The following DLGAP1 variants were observed in gnomAD, a reference collection of about 807,000 sequenced individuals.
The protein encoded by DLGAP1 is DLG associated protein 1.
DLGAP1 carries 11 observed loss-of-function variants against 90.8 expected under a neutral mutation model. The ratio of observed to expected loss-of-function variants is 0.12; its 90% CI spans 0.08 to 0.20. The LOEUF (loss-of-function observed/expected upper bound fraction) is 0.20, where lower values mean the gene tolerates loss of function less well. DLGAP1 is among the 10% of genes least tolerant of loss of function. The pLI is 1.00. For synonymous variants in DLGAP1, 558 were observed against 540.7 expected, an observed-to-expected ratio of 1.03 and a Z score of -0.44; for missense variants, 1,050 against 1,333.8, an observed-to-expected ratio of 0.79 and a Z score of 3.31.
intron 2 of DLGAP1, among the ~76,000 whole-genome samples, chr18:4,116,378 A>T (rs1412143775): frequency 6.6e-6 from 1 of 152,158 alleles, no homozygotes; most frequent in Non-Finnish European, 1.5e-5. Flanking sequence ...CTCTGTAGAA[A>T]AATGCTTTTC....
chr18:4,020,162 C>G (rs1007846636), intron 2 of DLGAP1, among the ~76,000 whole-genome samples: 29 of 152,080 alleles, frequency 1.9e-4, no homozygotes, highest in Non-Finnish European at 8.8e-5. Context: ...ATGTTTCTCA[C>G]CAGACTTAAG....
chr18:4,228,793 T>C (rs1253392019), intron 1 of DLGAP1, among the ~76,000 whole-genome samples: 1 of 151,924 alleles, frequency 6.6e-6, no homozygotes, highest in African/African-American at 2.4e-5. Context: ...AACAAGCATG[T>C]ACACTTTCAG....
intron 7 of DLGAP1, among the ~76,000 whole-genome samples, chr18:3,606,125 G>GA (rs2057315458): frequency 6.6e-6 from 1 of 152,176 alleles, no homozygotes; most frequent in African/African-American, 2.4e-5. Flanking sequence ...ACCCTTTGTA[G>GA]AGGCCATTCC....
chr18:4,050,573 A>T (rs186681082), intron 2 of DLGAP1, among the ~76,000 whole-genome samples: 26 of 152,318 alleles, frequency 1.7e-4, no homozygotes, highest in African/African-American at 5.8e-4. Context: ...TTAATACTCA[A>T]TGGAAACTTG....
chr18:3,771,034 C>T (rs1158611910), intron 5 of DLGAP1: 1 of 152,174 alleles, frequency 6.6e-6, no homozygotes, highest in Non-Finnish European at 1.5e-5. Context: ...AAGCACCGAA[C>T]AATCACTACC....
intron 7 of DLGAP1, chr18:3,596,621 G>GGCACTGCT (rs1338678314): frequency 2.1e-5 from 6 of 286,570 alleles, no homozygotes; most frequent in Non-Finnish European, 4.1e-5. Flanking sequence ...TACAAGATCA[G>GGCACTGCT]GCACTGCTGT....
At position 3,499,148 on chromosome 18, in the gene DLGAP1, A is replaced by T. The variant is rs1405864237; in HGVS notation, c.*37T>A. On this transcript the variant is annotated 3_prime_UTR_variant, in exon 13 of 13. Transcript: ENST00000315677. This position sits in a 1 kb window ranked among gnomAD's most constrained non-coding sequence, Gnocchi z 6.4. ...AGAGGAGCGGCCGGGGGAGGAGGGG[A>T]CAGATGCTTGGCGGCGGCGGCCGGG... The T allele has an allele frequency of 6.6e-7, 1 of 1,506,660 alleles. No individual in the cohort carries two copies. The highest frequency in any genetic ancestry group is 8.8e-7 in the Non-Finnish European group (1 of 1,133,606). The allele number at this position is 1,506,660 out of a possible 1,614,324, so 93.3% of individuals were successfully genotyped here.
chr18:4,158,531 G>C (rs1186276400), intron 1 of DLGAP1, among the ~76,000 whole-genome samples: 1 of 152,082 alleles, frequency 6.6e-6, no homozygotes, highest in African/African-American at 2.4e-5. Context: ...GTATCATATA[G>C]AGAACTTTGG....
intron 2 of DLGAP1, among the ~76,000 whole-genome samples, chr18:4,094,373 T>G (rs896748901): frequency 6.6e-6 from 1 of 152,154 alleles, no homozygotes; most frequent in Non-Finnish European, 1.5e-5. Flanking sequence ...TACACGGTTA[T>G]GTATAACATT....
intron 4 of DLGAP1, among the ~76,000 whole-genome samples, chr18:3,814,798 C>T (rs886692499): frequency 2.6e-5 from 4 of 152,154 alleles, no homozygotes. Flanking sequence ...ACAAACATTC[C>T]AATTATCGTC....
At chr18:3,837,559 T>C (rs1374514676) in intron 4 of DLGAP1, among the ~76,000 whole-genome samples, 4 of 152,106 alleles carry the variant, frequency 2.6e-5, no homozygotes, top group Non-Finnish European at 5.9e-5. Context: ...GTAAATGTTA[T>C]GGACAAAGGC....
At chr18:4,257,521 T>C (rs1455139855) in intron 1 of DLGAP1, among the ~76,000 whole-genome samples, 5 of 152,252 alleles carry the variant, frequency 3.3e-5, no homozygotes, top group Non-Finnish European at 7.3e-5. Context: ...CAGAAAGTTA[T>C]ACATTATATC....
At chr18:4,014,004 AC>A (rs2074476057) in intron 2 of DLGAP1, 1 of 151,840 alleles carries the variant, frequency 6.6e-6, no homozygotes, top group South Asian at 2.1e-4. Context: ...GAAAATCAAT[AC>A]CGTATACTTG....
chr18:4,381,622 C>T lies in DLGAP1; in HGVS notation c.-267+73384G>A, dbSNP rs75854258. 8.8e-3 allele frequency among the ~76,000 whole-genome samples: 1,346 copies of T among 152,210 alleles called. 23 individuals are homozygous for T. Among genetic ancestry groups the T allele is most frequent in the African/African-American group, 0.031 (1,268 of 41,550 alleles). On this transcript the variant is annotated intron_variant, in intron 1 of 12. Transcript: ENST00000315677. ...TTAAGAATCTGACAATGGAGTCCCC[C>T]GTTTCCTACTCCTTTGACATTTAAC...
chr18:4,101,556 G>A (rs73943814), intron 2 of DLGAP1, among the ~76,000 whole-genome samples: 2,461 of 152,112 alleles, frequency 0.016, 68 homozygotes, highest in African/African-American at 0.054. Context: ...TGATAGACTC[G>A]CATAACGCAG....
At chr18:4,136,420 A>G (rs1423174346) in intron 2 of DLGAP1, among the ~76,000 whole-genome samples, 2 of 152,128 alleles carry the variant, frequency 1.3e-5, no homozygotes, top group African/African-American at 4.8e-5. Context: ...TGTCTTTTGG[A>G]TAAAAGCAGT....
chr18:4,401,719 C>G (rs1407860397), intron 1 of DLGAP1, among the ~76,000 whole-genome samples: 1 of 152,062 alleles, frequency 6.6e-6, no homozygotes, highest in Non-Finnish European at 1.5e-5. Context: ...AATGACAAAT[C>G]TAATTATTTA....
chr18:4,213,039 A>T (rs2077879541), intron 1 of DLGAP1, among the ~76,000 whole-genome samples: 2 of 152,198 alleles, frequency 1.3e-5, no homozygotes, highest in South Asian at 4.1e-4. Context: ...AGTACTTATT[A>T]CTTTCATTTG....
chr18:4,178,239 A>G (rs1453392913), intron 1 of DLGAP1, among the ~76,000 whole-genome samples: 3 of 151,102 alleles, frequency 2.0e-5, no homozygotes, highest in African/African-American at 4.9e-5. Context: ...ACACACACAC[A>G]CACACACACA....
Sources: allele counts gnomAD v4.1 joint callset (sites outside exome capture counted in the v4.1 genomes callset), GRCh38; gene constraint gnomAD v4.1.1; non-coding constraint Gnocchi (gnomAD v3.1); transcripts MANE v1.5; gene names NCBI Gene and HGNC (gene_info 2026-07-23, HGNC 2026-07-21).